Variants in FGGY observed in about 807,000 individuals in gnomAD.
The protein encoded by FGGY is FGGY carbohydrate kinase domain containing, also known as FGGY carbohydrate kinase domain-containing protein.
Under a neutral mutation model 71.3 loss-of-function variants are expected in FGGY, and 72 were observed. That is an observed-to-expected ratio of 1.01 (90% CI 0.84 to 1.23). The LOEUF is 1.23. Among genes scored for constraint, FGGY ranks in the 50% most tolerant of loss-of-function variants. The pLI is 0.00. For synonymous variants in FGGY, 251 were observed against 250.3 expected (o/e 1.00, Z -0.02); for missense variants, 668 against 682.3 (o/e 0.98, Z 0.23).
intron 6 of FGGY, among the ~76,000 whole-genome samples, chr1:59,464,128 C>T (rs1355846061): frequency 3.3e-5 from 5 of 152,200 alleles, no homozygotes; most frequent in East Asian, 1.9e-4. Context: ...AAGCAATCCT[C>T]CGCAAATATG....
At chr1:59,548,772 T>A (rs1174711311) in intron 7 of FGGY, among the ~76,000 whole-genome samples, 1 of 152,212 alleles carries the variant, frequency 6.6e-6, no homozygotes, top group Non-Finnish European at 1.5e-5. Context: ...CTGGTATCTA[T>A]TGTATCAGAC....
Position 59,690,381 on chromosome 1 carries a change from G to A in FGGY, c.1512+16248G>A, listed in dbSNP as rs140988711. ...AACCTGAATCACCAAGAGGCCACGC[G>A]CTTTCCCAAGCTTACATAGCTGGTA... On this transcript the variant is annotated intron_variant, in intron 14 of 15. Coordinates refer to ENST00000303721, the MANE Select transcript of FGGY (RefSeq NM_018291.5). 1.6e-3 allele frequency among the ~76,000 whole-genome samples: 245 copies of A among 152,254 alleles called. 1 individual carries two copies. Among genetic ancestry groups the A allele is most frequent in the African/African-American group, 5.5e-3 (230 of 41,544 alleles).
intron 14 of FGGY, among the ~76,000 whole-genome samples, chr1:59,729,111 T>G (rs983390835): frequency 1.3e-5 from 2 of 152,088 alleles, no homozygotes; most frequent in Non-Finnish European, 2.9e-5. Flanking sequence ...TTTTAACTGA[T>G]GTATCTTCAA....
At chr1:59,592,896 G>T (rs12130916) in intron 8 of FGGY, among the ~76,000 whole-genome samples, 18,391 of 151,668 alleles carry the variant, frequency 0.12, 1,528 homozygotes, top group Admixed American at 0.22. Flanking sequence ...ATAACTAACC[G>T]GCACATTGTG....
At chr1:59,701,969 T>C (rs1389009445) in intron 14 of FGGY, among the ~76,000 whole-genome samples, 1 of 152,182 alleles carries the variant, frequency 6.6e-6, no homozygotes, top group Non-Finnish European at 1.5e-5. Context: ...TACCTGAGAC[T>C]GAGTAGTTTA....
chr1:59,729,777 C>G (rs186796950), intron 14 of FGGY, among the ~76,000 whole-genome samples: 28 of 152,282 alleles, frequency 1.8e-4, no homozygotes, highest in African/African-American at 6.5e-4. Context: ...TGTCCCTGAG[C>G]TATGACCTTC....
chr1:59,642,475 A>C (rs981788474), intron 11 of FGGY, among the ~76,000 whole-genome samples: 1 of 151,904 alleles, frequency 6.6e-6, no homozygotes, highest in African/African-American at 2.4e-5. Flanking sequence ...AAATACAAAA[A>C]TTAGCTGGGC....
At chr1:59,401,597 T>C (rs2061975940) in intron 5 of FGGY, among the ~76,000 whole-genome samples, 1 of 152,212 alleles carries the variant, frequency 6.6e-6, no homozygotes, top group Non-Finnish European at 1.5e-5. Context: ...GAGGCAGAGA[T>C]ATTAAGTAAC....
At chr1:59,328,801 G>A (rs1045462681) in intron 2 of FGGY, among the ~76,000 whole-genome samples, 41 of 152,036 alleles carry the variant, frequency 2.7e-4, no homozygotes, top group African/African-American at 9.7e-4. Context: ...TGTCTCGGGG[G>A]TAGGGATCCC....
intron 14 of FGGY, among the ~76,000 whole-genome samples, chr1:59,709,037 G>A (rs574452562): frequency 4.6e-5 from 7 of 152,330 alleles, no homozygotes; most frequent in African/African-American, 1.7e-4. Context: ...AAGAGAAAGT[G>A]AGATGAATAT....
chr1:59,654,137 C>G (rs921715531), intron 11 of FGGY, among the ~76,000 whole-genome samples: 5 of 152,224 alleles, frequency 3.3e-5, no homozygotes, highest in Admixed American at 6.5e-5. Flanking sequence ...ATCTGCATTT[C>G]TCAAATGTGG....
At chr1:59,729,381 C>CTT (rs1288967129) in intron 14 of FGGY, among the ~76,000 whole-genome samples, 1 of 152,040 alleles carries the variant, frequency 6.6e-6, no homozygotes, top group African/African-American at 2.4e-5. Flanking sequence ...CTGATTCTTG[C>CTT]TTTCTCTCTT....
intron 7 of FGGY, among the ~76,000 whole-genome samples, chr1:59,544,731 C>G (rs1265268621): frequency 6.6e-6 from 1 of 152,180 alleles, no homozygotes; most frequent in Non-Finnish European, 1.5e-5. Context: ...TGTTCACTTA[C>G]AGAAGTTTGC....
intron 6 of FGGY, among the ~76,000 whole-genome samples, chr1:59,505,797 A>G (rs1002334686): frequency 9.2e-5 from 14 of 152,170 alleles, no homozygotes. Flanking sequence ...GACATCAGGA[A>G]AGAGGATTAT....
intron 14 of FGGY, among the ~76,000 whole-genome samples, chr1:59,721,813 G>C (rs2097899325): frequency 6.6e-6 from 1 of 151,834 alleles, no homozygotes; most frequent in Non-Finnish European, 1.5e-5. Flanking sequence ...AAAGACACCT[G>C]ACAGGTAACT....
In FGGY at chr1:59,338,921, A is replaced by G. The variant is rs565536040; in HGVS notation, c.202-1037A>G. Reference sequence around the variant, plus strand: ...AATCTCCAAGAAGGTCCACTTCTGCATATATTGCCACTACCATATACAGGT... The same window carrying G: ...AATCTCCAAGAAGGTCCACTTCTGCGTATATTGCCACTACCATATACAGGT... On this transcript the variant is annotated intron_variant, in intron 2 of 15. Coordinates refer to ENST00000303721, the MANE Select transcript of FGGY (RefSeq NM_018291.5). 4.6e-5 allele frequency among the ~76,000 whole-genome samples: 7 copies of G among 152,306 alleles called. No homozygotes were observed. In the South Asian group the frequency reaches 1.0e-3, roughly 23 times the overall value.
At chr1:59,525,071 C>A (rs1375062230) in intron 7 of FGGY, among the ~76,000 whole-genome samples, 11 of 152,222 alleles carry the variant, frequency 7.2e-5, no homozygotes, top group Admixed American at 5.9e-4. Context: ...CCCGTGTTCC[C>A]CTCATCCAGA....
intron 8 of FGGY, among the ~76,000 whole-genome samples, chr1:59,592,586 C>A (rs1268597526): frequency 1.3e-5 from 2 of 152,042 alleles, no homozygotes; most frequent in African/African-American, 4.8e-5. Flanking sequence ...ACATATACAC[C>A]ATGGAATACT....
chr1:59,697,646 A>G, intron 14 of FGGY: 3 of 1,303,278 alleles, frequency 2.3e-6, no homozygotes, highest in Non-Finnish European at 2.0e-6. Flanking sequence ...ACTTCTTTCC[A>G]GTGGGGGAAA....
Sources: gnomAD v4.1 joint callset for allele counts (sites outside exome capture counted in the v4.1 genomes callset) on GRCh38, gnomAD v4.1.1 for gene constraint, MANE v1.5 for transcripts, NCBI Gene and HGNC (gene_info 2026-07-23, HGNC 2026-07-21) for gene names.